Variants in TMEM260 observed in about 807,000 individuals in gnomAD.
TMEM260 encodes protein O-mannosyl-transferase TMEM260.
Under a neutral mutation model 88.9 loss-of-function variants are expected in TMEM260, and 82 were observed. The observed-to-expected ratio is 0.92, with a 90% confidence interval of 0.77 to 1.11. TMEM260 has a LOEUF of 1.11. TMEM260 is among the 50% of genes least tolerant of loss of function. The pLI, the probability that TMEM260 is intolerant of heterozygous loss-of-function variation, is 0.00. For synonymous variants in TMEM260, 314 were observed against 309.3 expected (o/e 1.02, Z -0.16); for missense variants, 902 against 853.4 (o/e 1.06, Z -0.71).
the TMEM260 span, among the ~76,000 whole-genome samples, chr14:56,656,403 T>C: frequency 6.6e-6 from 1 of 151,982 alleles, no homozygotes; most frequent in East Asian, 1.9e-4. Flanking sequence ...TGGGGCAATA[T>C]AGTGAGACCT....
At position 56,603,985 on chromosome 14, in the gene TMEM260, G is replaced by A; in HGVS notation, c.515G>A (p.Arg172Lys). The change falls in exon 4 of 16, where the codon AGA (arginine) becomes AAA (lysine). Residue 172 changes from arginine (R) to lysine (K), a missense_variant. Transcript: ENST00000261556. ...HFEEAATAKE[R>K]SKVAKIGAFC... ...GAGGAAGCAGCAACTGCTAAGGAGA[G>A]ATCAAAGGTAACCTATTTTGATCAA... 6.5e-7 allele frequency: 1 copy of A among 1,546,742 alleles called. No individual in the cohort carries two copies. The highest frequency in any genetic ancestry group is 8.7e-7 in the Non-Finnish European group (1 of 1,152,152).
At position 56,628,940 on chromosome 14, in the gene TMEM260, G is replaced by A. The variant is rs111590567; in HGVS notation, c.1547+3410G>A. Among the ~76,000 whole-genome samples, 1,412 of 151,104 alleles carry A rather than the reference G, an allele frequency of 9.3e-3. 27 individuals carry two copies. The highest frequency in any genetic ancestry group is 0.033 in the African/African-American group (1,354 of 41,120). ...AGATGGAGTCTCACTCTGTCACCCA[G>A]GCAGGAGTACAGTGGCACAATCTTG... On this transcript the variant is annotated intron_variant, in intron 12 of 15. Coordinates refer to ENST00000261556, the MANE Select transcript of TMEM260 (RefSeq NM_017799.4).
rs150439233 is a variant in TMEM260, at chr14:56,609,118, G to C, written c.649G>C (p.Gly217Arg). ...TGCTCTGATGCAGGAACTCTCCCTG[G>C]GCTCTTTGTTGAAGTTGAGCCTGTA... is the stretch of plus-strand genomic sequence containing the variant. ...QLLKKKELSL[G>R]SLLKLSLYFS... Residue 217 changes from glycine (G) to arginine (R), a missense_variant, in exon 6 of 16, where the codon GGC becomes CGC. Transcript: ENST00000261556. 384 of 1,613,792 alleles carry C rather than the reference G, an allele frequency of 2.4e-4. 3 individuals carry two copies. Among genetic ancestry groups the C allele is most frequent in the Non-Finnish European group, 8.4e-5 (99 of 1,179,902 alleles).
At chr14:56,645,357 G>A (rs1194512428) in intron 15 of TMEM260, among the ~76,000 whole-genome samples, 1 of 151,960 alleles carries the variant, frequency 6.6e-6, no homozygotes, top group African/African-American at 2.4e-5. Flanking sequence ...CATGGATGAA[G>A]CTGGAAACCA....
At chr14:56,620,112 GAAC>G (rs1387793945) in intron 10 of TMEM260, among the ~76,000 whole-genome samples, 1 of 152,128 alleles carries the variant, frequency 6.6e-6, no homozygotes, top group Non-Finnish European at 1.5e-5. Context: ...CAGTGAGGGA[GAAC>G]AACAGACACT....
chr14:56,584,448 A>G (rs181734488), intron 1 of TMEM260, among the ~76,000 whole-genome samples: 1 of 152,302 alleles, frequency 6.6e-6, no homozygotes, highest in East Asian at 1.9e-4. Flanking sequence ...AATGGTTTGA[A>G]AAAATGTCTT....
chr14:56,584,464 G>A (rs1277465482), intron 1 of TMEM260, among the ~76,000 whole-genome samples: 1 of 152,098 alleles, frequency 6.6e-6, no homozygotes. Flanking sequence ...GTCTTACAGT[G>A]AACCTTACCG....
chr14:56,636,475 G>A (rs1443831493), intron 14 of TMEM260, 33 bp from the exon 15 acceptor site: 1 of 1,571,896 alleles, frequency 6.4e-7, no homozygotes, highest in Admixed American at 1.7e-5. Context: ...TTGACTGTAT[G>A]ATTTTAATGA....
intron 10 of TMEM260, among the ~76,000 whole-genome samples, chr14:56,621,039 G>A (rs1380389066): frequency 1.3e-5 from 2 of 152,152 alleles, no homozygotes; most frequent in African/African-American, 4.8e-5. Context: ...GACACAGGAG[G>A]CCTGTGATTC....
intron 3 of TMEM260, among the ~76,000 whole-genome samples, chr14:56,586,780 A>G (rs1385059826): frequency 1.1e-4 from 17 of 152,182 alleles, no homozygotes; most frequent in African/African-American, 3.8e-4. Context: ...TGTCAAAGTC[A>G]TAATACTGCC....
chr14:56,641,865 G>C (rs990179792), intron 15 of TMEM260, among the ~76,000 whole-genome samples: 2 of 151,622 alleles, frequency 1.3e-5, no homozygotes, highest in East Asian at 1.9e-4. Flanking sequence ...TGCAATCCTA[G>C]TCTCTGATAA....
intron 12 of TMEM260, among the ~76,000 whole-genome samples, chr14:56,627,466 TAAAAC>T (rs1888309779): frequency 6.6e-6 from 1 of 152,128 alleles, no homozygotes; most frequent in Admixed American, 6.5e-5. Flanking sequence ...AATAAGCAAA[TAAAAC>T]TATTAGGAGA....
chr14:56,586,874 A>C (rs1384941470), intron 3 of TMEM260, among the ~76,000 whole-genome samples: 1 of 151,890 alleles, frequency 6.6e-6, no homozygotes, highest in East Asian at 1.9e-4. Context: ...TTTACTTTTG[A>C]TCTGTATGTG....
chr14:56,593,677 C>CTTTTTTTTT lies in TMEM260; in HGVS notation c.344+7785_344+7793dup, dbSNP rs34268894. ...ATTATTGGTATTGACAGGTGAGTGT[C>CTTTTTTTTT]TTTTTTTTTTTTTTTTTTTTTTTTT... On this transcript the variant is annotated intron_variant, in intron 3 of 15. Transcript: ENST00000261556. Among the ~76,000 whole-genome samples, 8 of 63,504 alleles carry CTTTTTTTTT rather than the reference C, an allele frequency of 1.3e-4. 1 individual carries two copies. The highest frequency in any genetic ancestry group is 4.7e-4 in the East Asian group (1 of 2,124). The allele number at this position is 63,504 out of a possible 152,430, so 41.7% of individuals were successfully genotyped here.
At chr14:56,584,300 C>G (rs1223181659) in intron 1 of TMEM260, among the ~76,000 whole-genome samples, 1 of 151,988 alleles carries the variant, frequency 6.6e-6, no homozygotes, top group African/African-American at 2.4e-5. Context: ...CTACAATGTA[C>G]AGGGATGAGT....
intron 3 of TMEM260, among the ~76,000 whole-genome samples, chr14:56,591,792 C>G (rs553276865): frequency 1.3e-5 from 2 of 152,102 alleles, no homozygotes; most frequent in African/African-American, 4.8e-5. Flanking sequence ...TGCGGTTGTT[C>G]CTATAAAGCC....
chr14:56,648,264 G>A lies in TMEM260; in HGVS notation c.*767G>A, dbSNP rs1277146583. 6.6e-6 allele frequency: 1 copy of A among 151,756 alleles called. No homozygotes were observed. The highest frequency in any genetic ancestry group is 1.5e-5 in the Non-Finnish European group (1 of 67,948). 9.4% of individuals were successfully genotyped at this position (151,756 alleles called of 1,614,324 possible). On this transcript the variant is annotated 3_prime_UTR_variant, in exon 16 of 16. Coordinates refer to ENST00000261556, the MANE Select transcript of TMEM260 (RefSeq NM_017799.4). Reference sequence around the variant, plus strand: ...AAATGCAAAGGGGAAAAAAAGGCAGGGATTGGGGGGGATGGGGAAGTGGCC... The same window carrying A: ...AAATGCAAAGGGGAAAAAAAGGCAGAGATTGGGGGGGATGGGGAAGTGGCC...
At chr14:56,651,462 G>A (rs867115852), downstream of TMEM260, among the ~76,000 whole-genome samples, 3 of 152,154 alleles carry the variant, frequency 2.0e-5, no homozygotes, top group East Asian at 1.9e-4. Context: ...GACAAGTAGC[G>A]TTTCCAGCAC....
rs1888189238 is a variant in TMEM260 at position 56,625,439 on chromosome 14, T to A, written c.1456T>A (p.Phe486Ile). 1 of 1,613,912 alleles carries A rather than the reference T, an allele frequency of 6.2e-7. No homozygotes were observed. The highest frequency in any genetic ancestry group is 1.3e-5 in the African/African-American group (1 of 74,936). Residue 486 changes from phenylalanine (F) to isoleucine (I), a missense_variant, in exon 12 of 16, where the codon TTT becomes ATT. By Grantham distance (21) the Phe-to-Ile change is conservative. Coordinates refer to ENST00000261556, the MANE Select transcript of TMEM260 (RefSeq NM_017799.4). ...GGCAAAGCACTTGCCAGGTGTCAAC[T>A]TTCCTGGGAACCGGTGGAATCCTGT... ...KMAKHLPGVN[F>I]PGNRWNPVEG...
Sources: allele counts gnomAD v4.1 joint callset (sites outside exome capture counted in the v4.1 genomes callset), GRCh38; gene constraint gnomAD v4.1.1; transcripts MANE v1.5; gene names NCBI Gene and HGNC (gene_info 2026-07-23, HGNC 2026-07-21).